The following TMEM108 variants were observed in gnomAD, a reference collection of about 807,000 sequenced individuals.
TMEM108 encodes cancer/testis antigen 124.
In TMEM108, 12 loss-of-function variants were observed where a neutral mutation model predicts 35.1. The observed-to-expected ratio is 0.34, with a 90% CI of 0.22 to 0.55. The LOEUF (loss-of-function observed/expected upper bound fraction) is 0.55, where lower values mean the gene tolerates loss of function less well. Ranked by LOEUF, TMEM108 falls within the 20% of genes least tolerant of loss-of-function variation. TMEM108 has a pLI of 0.89. For missense variants in TMEM108, 680 were observed against 753.3 expected (o/e 0.90, Z 1.14); for synonymous variants, 287 against 308.6 (o/e 0.93, Z 0.73).
At chr3:133,205,448 T>C (rs1945738777) in intron 2 of TMEM108, among the ~76,000 whole-genome samples, 1 of 152,182 alleles carries the variant, frequency 6.6e-6, no homozygotes, top group South Asian at 2.1e-4. Flanking sequence ...GTACTGGTTT[T>C]TCCTTTCCAT....
intron 3 of TMEM108, among the ~76,000 whole-genome samples, chr3:133,356,613 AT>A (rs1341620012): frequency 6.6e-6 from 1 of 152,212 alleles, no homozygotes; most frequent in Non-Finnish European, 1.5e-5. Flanking sequence ...TGGTACTTAT[AT>A]AAAAACAGGC....
chr3:133,182,370 T>C lies in TMEM108; in HGVS notation c.-46-46896T>C, dbSNP rs376196548. Among the ~76,000 whole-genome samples, 7 of 152,302 alleles carry C rather than the reference T, an allele frequency of 4.6e-5. No homozygotes were observed. The East Asian group carries it at 9.7e-4, about 21-fold the overall frequency. Reference sequence around the variant, plus strand: ...TCTGAATTTAAATGTGAGTAGGTTCTTTTTAAAAACCTGCTGAGTATCACC... The same window carrying C: ...TCTGAATTTAAATGTGAGTAGGTTCCTTTTAAAAACCTGCTGAGTATCACC... On this transcript the variant is annotated intron_variant, in intron 2 of 5. Transcript: ENST00000321871.
intron 2 of TMEM108, among the ~76,000 whole-genome samples, chr3:133,076,964 G>A (rs1279660326): frequency 3.3e-5 from 5 of 152,258 alleles, no homozygotes; most frequent in Admixed American, 3.3e-4. Context: ...AAGCCAGAAT[G>A]ACAGCACTCT....
At chr3:133,167,715 C>T (rs942276503) in intron 2 of TMEM108, among the ~76,000 whole-genome samples, 28 of 152,322 alleles carry the variant, frequency 1.8e-4, no homozygotes, top group South Asian at 4.1e-4. Flanking sequence ...CACACCCACC[C>T]GGAACTTGCG....
At chr3:133,270,794 T>TACACACAC (rs71624011) in intron 3 of TMEM108, among the ~76,000 whole-genome samples, 1 of 148,578 alleles carries the variant, frequency 6.7e-6, no homozygotes, top group Non-Finnish European at 1.5e-5. Context: ...TCGAAGAATG[T>TACACACAC]ACACACACAC....
intron 2 of TMEM108, among the ~76,000 whole-genome samples, chr3:133,082,731 A>G (rs1165703430): frequency 6.6e-6 from 1 of 152,066 alleles, no homozygotes; most frequent in Non-Finnish European, 1.5e-5. Context: ...AGCTCACTGC[A>G]GCCTCAACCT....
chr3:133,320,142 T>C (rs915856049), intron 3 of TMEM108, among the ~76,000 whole-genome samples: 4 of 152,062 alleles, frequency 2.6e-5, no homozygotes, highest in Non-Finnish European at 5.9e-5. Context: ...AAAAAGACCA[T>C]ACTAGCTCCC....
intron 3 of TMEM108, among the ~76,000 whole-genome samples, chr3:133,295,246 A>G (rs760848580): frequency 1.3e-5 from 2 of 152,180 alleles, no homozygotes; most frequent in Non-Finnish European, 2.9e-5. Flanking sequence ...GAACCCTGAG[A>G]ACCATAGCAT....
intron 3 of TMEM108, among the ~76,000 whole-genome samples, chr3:133,341,422 T>C (rs1485059916): frequency 6.6e-6 from 1 of 151,848 alleles, no homozygotes; most frequent in Non-Finnish European, 1.5e-5. Context: ...AGATATACCG[T>C]GTCTATGGAT....
chr3:133,064,741 G>A (rs979749296), intron 2 of TMEM108, among the ~76,000 whole-genome samples: 4 of 151,058 alleles, frequency 2.6e-5, no homozygotes, highest in Admixed American at 6.6e-5. Context: ...AGTTAAGCAC[G>A]TGATAGAGGT....
intron 2 of TMEM108, among the ~76,000 whole-genome samples, chr3:133,086,621 A>T (rs1943885417): frequency 6.6e-6 from 1 of 152,170 alleles, no homozygotes; most frequent in African/African-American, 2.4e-5. Context: ...TCTTTATTAG[A>T]TGAGGTACAC....
intron 2 of TMEM108, among the ~76,000 whole-genome samples, chr3:133,086,838 G>A (rs73005577): frequency 0.015 from 2,310 of 152,262 alleles, 69 homozygotes; most frequent in African/African-American, 0.052. Flanking sequence ...GGATGTGTGC[G>A]GTTGGCCATA....
intron 2 of TMEM108, among the ~76,000 whole-genome samples, chr3:133,137,672 C>T (rs1204338063): frequency 1.3e-5 from 2 of 152,166 alleles, no homozygotes; most frequent in African/African-American, 4.8e-5. Flanking sequence ...AGGTTCTCAG[C>T]AGCAAAGATG....
At chr3:133,047,718 A>G (rs1298746334) in intron 2 of TMEM108, among the ~76,000 whole-genome samples, 1 of 151,848 alleles carries the variant, frequency 6.6e-6, no homozygotes, top group Admixed American at 6.6e-5. Context: ...GGATATAGTG[A>G]TTCAATCTTG....
At chr3:133,118,740 G>C (rs1944316696) in intron 2 of TMEM108, among the ~76,000 whole-genome samples, 1 of 152,174 alleles carries the variant, frequency 6.6e-6, no homozygotes, top group African/African-American at 2.4e-5. Context: ...ACCACTGGTG[G>C]TTCTCCTACC....
chr3:133,098,063 G>T (rs942625086), intron 2 of TMEM108, among the ~76,000 whole-genome samples: 1 of 152,182 alleles, frequency 6.6e-6, no homozygotes, highest in African/African-American at 2.4e-5. Context: ...AAGAGGACAG[G>T]TGTAGCAGCT....
chr3:133,131,246 AAATT>A (rs1944486756), intron 2 of TMEM108, among the ~76,000 whole-genome samples: 1 of 152,082 alleles, frequency 6.6e-6, no homozygotes, highest in African/African-American at 2.4e-5. Flanking sequence ...TTTGGAGATG[AAATT>A]ATTATTCAAG....
intron 3 of TMEM108, among the ~76,000 whole-genome samples, chr3:133,262,370 C>T (rs1946636671): frequency 6.6e-6 from 1 of 152,212 alleles, no homozygotes; most frequent in Non-Finnish European, 1.5e-5. Flanking sequence ...AGGACATGCA[C>T]AAGTTTTGCA....
At chr3:133,320,527 A>G (rs1481877427) in intron 3 of TMEM108, among the ~76,000 whole-genome samples, 2 of 152,206 alleles carry the variant, frequency 1.3e-5, no homozygotes, top group Non-Finnish European at 2.9e-5. Flanking sequence ...ATTATGTTAC[A>G]TACACAAATG....
Sources: allele counts gnomAD v4.1 joint callset (sites outside exome capture counted in the v4.1 genomes callset), GRCh38; gene constraint gnomAD v4.1.1; transcripts MANE v1.5; gene names NCBI Gene and HGNC (gene_info 2026-07-23, HGNC 2026-07-21).